The following NAV2 variants were observed in gnomAD, a reference collection of about 807,000 sequenced individuals.
NAV2 encodes the protein neuron navigator 2.
In NAV2, 54 loss-of-function variants were observed where a neutral mutation model predicts 223.2. The observed-to-expected ratio is 0.24, with a 90% CI of 0.19 to 0.30. The LOEUF is 0.30. Ranked by LOEUF, NAV2 falls within the 10% of genes least tolerant of loss-of-function variation. The pLI is 1.00. For missense variants in NAV2, 2,806 were observed against 3,147.5 expected, an observed-to-expected ratio of 0.89 and a Z score of 2.60; for synonymous variants, 1,279 against 1,239.3, an observed-to-expected ratio of 1.03 and a Z score of -0.67.
intron 14 of NAV2, among the ~76,000 whole-genome samples, chr11:20,046,596 TCACACACACA>T (rs61668060): frequency 1.4e-5 from 2 of 145,862 alleles, no homozygotes; most frequent in African/African-American, 5.1e-5. Context: ...CCCCTCCCCA[TCACACACACA>T]CACACACACA....
intron 1 of NAV2, among the ~76,000 whole-genome samples, chr11:19,452,193 A>G (rs559351354): frequency 6.6e-6 from 1 of 151,704 alleles, no homozygotes; most frequent in South Asian, 2.1e-4. Flanking sequence ...CAGTCTTTTC[A>G]CCTAAGTGGA....
chr11:19,640,818 C>G (rs1302385420), intron 1 of NAV2, among the ~76,000 whole-genome samples: 1 of 152,186 alleles, frequency 6.6e-6, no homozygotes, highest in African/African-American at 2.4e-5. Context: ...AAATCTAAGA[C>G]TTACAACAGG....
intron 1 of NAV2, among the ~76,000 whole-genome samples, chr11:19,353,718 T>G (rs553688790): frequency 2.0e-5 from 3 of 152,346 alleles, no homozygotes; most frequent in African/African-American, 7.2e-5. Context: ...GAGGGCTGCA[T>G]GTGATTTTGT....
At chr11:19,860,305 C>G (rs1289479285) in intron 3 of NAV2, among the ~76,000 whole-genome samples, 3 of 139,656 alleles carry the variant, frequency 2.1e-5, no homozygotes, top group Non-Finnish European at 4.6e-5. Context: ...GGGCTCCTCA[C>G]TTCTCAGACA....
At chr11:19,734,780 C>A (rs572606254) in intron 1 of NAV2, among the ~76,000 whole-genome samples, 1 of 152,266 alleles carries the variant, frequency 6.6e-6, no homozygotes. Flanking sequence ...GCCTGGACTC[C>A]AAGTTTCTAG....
At chr11:19,892,691 T>A in intron 6 of NAV2, 97 bp downstream of exon 6, 1 of 1,329,330 alleles carries the variant, frequency 7.5e-7, no homozygotes, top group Non-Finnish European at 1.0e-6. Context: ...GGGGAGGGGT[T>A]GCATCTGTGT....
At chr11:19,798,997 G>A (rs932157443) in intron 1 of NAV2, among the ~76,000 whole-genome samples, 41 of 152,186 alleles carry the variant, frequency 2.7e-4, no homozygotes, top group Admixed American at 1.2e-3. Flanking sequence ...TGCATGAGGT[G>A]GTTAAGGAGA....
At chr11:19,555,182 A>G (rs1488957848) in intron 1 of NAV2, among the ~76,000 whole-genome samples, 4 of 152,208 alleles carry the variant, frequency 2.6e-5, no homozygotes, top group Admixed American at 1.3e-4. Flanking sequence ...TGGTAATGCC[A>G]TCAATGAGGT....
intron 26 of NAV2, among the ~76,000 whole-genome samples, chr11:20,085,959 A>G (rs1046952582): frequency 6.6e-6 from 1 of 152,200 alleles, no homozygotes; most frequent in African/African-American, 2.4e-5. Context: ...CTGCCACCCC[A>G]GCCTCCCAAT....
chr11:19,386,550 G>C (rs1379973164), intron 1 of NAV2, among the ~76,000 whole-genome samples: 1 of 152,154 alleles, frequency 6.6e-6, no homozygotes, highest in Non-Finnish European at 1.5e-5. Context: ...GGGAGACAGT[G>C]GGGAGCCTAT....
In NAV2 at chr11:20,054,072, C is replaced by G; in HGVS notation, c.4482-8C>G. ...TAGTTAATTCCGGCTTGATTTCTGT[C>G]TGTCCAGGTATACTCCCACCTCCCA... On this transcript the variant is annotated splice_polypyrimidine_tract_variant and splice_region_variant and intron_variant, in intron 17 of 37. Coordinates refer to ENST00000349880, the MANE Select transcript of NAV2 (RefSeq NM_145117.5). The G allele has an allele frequency of 6.2e-7, 1 of 1,611,432 alleles. No homozygotes were observed. The highest frequency in any genetic ancestry group is 2.2e-5 in the East Asian group (1 of 44,736).
intron 37 of NAV2, among the ~76,000 whole-genome samples, chr11:20,115,733 C>G (rs1392002941): frequency 6.8e-6 from 1 of 146,646 alleles, no homozygotes; most frequent in African/African-American, 2.5e-5. Flanking sequence ...GGCAACGTAA[C>G]AAAACCTCTT....
chr11:19,374,035 TTTC>T (rs1440541438), intron 1 of NAV2, among the ~76,000 whole-genome samples: 2 of 152,226 alleles, frequency 1.3e-5, no homozygotes, highest in Non-Finnish European at 2.9e-5. Context: ...ACAGTAGATC[TTTC>T]TTAATTGTCC....
intron 36 of NAV2, among the ~76,000 whole-genome samples, chr11:20,112,604 G>A (rs570552256): frequency 1.7e-4 from 26 of 152,324 alleles, no homozygotes; most frequent in Non-Finnish European, 3.5e-4. Context: ...CTGGCCAACA[G>A]CCTGCTCCGC....
At chr11:20,053,380 C>T (rs566534177) in intron 17 of NAV2, among the ~76,000 whole-genome samples, 1 of 152,222 alleles carries the variant, frequency 6.6e-6, no homozygotes. Flanking sequence ...GGAATAATGG[C>T]ATCTGCATTG....
At chr11:19,518,991 C>T (rs1258610079) in intron 1 of NAV2, among the ~76,000 whole-genome samples, 1 of 152,184 alleles carries the variant, frequency 6.6e-6, no homozygotes, top group Non-Finnish European at 1.5e-5. Flanking sequence ...GTCTGCCACC[C>T]AGAAGAGGGC....
intron 3 of NAV2, among the ~76,000 whole-genome samples, chr11:19,865,857 A>G (rs2062056647): frequency 9.6e-6 from 1 of 104,432 alleles, no homozygotes; most frequent in African/African-American, 3.7e-5. Flanking sequence ...TCTCTTGTCT[A>G]TGTGCTCTGA....
chr11:19,764,189 CCAGCCACTCT>C (rs1026899574), intron 1 of NAV2, among the ~76,000 whole-genome samples: 4 of 152,296 alleles, frequency 2.6e-5, no homozygotes, highest in African/African-American at 9.6e-5. Context: ...ATCAAAGTGG[CCAGCCACTCT>C]CAGCCACTCT....
At chr11:20,012,952 T>C (rs1799013408) in intron 11 of NAV2, among the ~76,000 whole-genome samples, 1 of 152,172 alleles carries the variant, frequency 6.6e-6, no homozygotes, top group Non-Finnish European at 1.5e-5. Flanking sequence ...AAACTTGGGA[T>C]GATTATACCT....
Sources: gnomAD v4.1 joint callset for allele counts (sites outside exome capture counted in the v4.1 genomes callset) on GRCh38, gnomAD v4.1.1 for gene constraint, MANE v1.5 for transcripts, NCBI Gene and HGNC (gene_info 2026-07-23, HGNC 2026-07-21) for gene names.